Variants in WSCD2 observed in about 807,000 individuals in gnomAD.
WSCD2 encodes the protein sialate:O-sulfotransferase 2.
A neutral mutation model predicts 55.7 loss-of-function variants in WSCD2; 28 were observed. The observed-to-expected ratio is 0.50, with a 90% confidence interval of 0.37 to 0.69. The LOEUF is 0.69. Ranked by LOEUF, WSCD2 falls within the 30% of genes least tolerant of loss-of-function variation. The pLI is 0.00. For missense variants in WSCD2, 616 were observed against 762.1 expected (o/e 0.81, Z 2.26); for synonymous variants, 301 against 301.9 (o/e 1.00, Z 0.03).
chr12:108,204,645 T>C (rs1228793676), intron 2 of WSCD2, among the ~76,000 whole-genome samples: 3 of 152,242 alleles, frequency 2.0e-5, no homozygotes, highest in African/African-American at 7.2e-5. Context: ...TGTCACTGTC[T>C]GGTGTGCCTG....
intron 2 of WSCD2, among the ~76,000 whole-genome samples, chr12:108,204,197 A>T (rs1885044915): frequency 6.6e-6 from 1 of 152,162 alleles, no homozygotes. Flanking sequence ...AATACATGAT[A>T]GTTTTGTCTC....
chr12:108,248,913 A>C lies in WSCD2; in HGVS notation c.*570A>C. 1 of 988,202 alleles carries C rather than the reference A, an allele frequency of 1.0e-6. No homozygotes were observed. The highest frequency in any genetic ancestry group is 4.7e-5 in the South Asian group (1 of 21,404). The allele number at this position is 988,202 out of a possible 1,614,324, so 61.2% of individuals were successfully genotyped here. ...GCCTTAGGTTTCTGACATCCTGGAT[A>C]GTGTGGGGAGGTAATGGTGCTCACA... On this transcript the variant is annotated 3_prime_UTR_variant, in exon 9 of 9. Transcript: ENST00000547525. This position sits in a 1 kb window ranked among gnomAD's most constrained non-coding sequence, Gnocchi z 4.3.
chr12:108,210,146 T>A lies in WSCD2; in HGVS notation c.523T>A (p.Phe175Ile). Residue 175 changes from phenylalanine to isoleucine, a missense_variant, in exon 4 of 9, where the codon TTC (phenylalanine) becomes ATC (isoleucine). Transcript: ENST00000547525. The surrounding 1 kb of genome is among the most constrained non-coding windows in gnomAD (Gnocchi z 4.3). Reference protein sequence around the residue: ...ERGYLYGGLEFGAECYCGHKI... With the variant: ...ERGYLYGGLEIGAECYCGHKI... ...GGGTTACCTGTATGGCGGGCTGGAG[T>A]TCGGCGCCGAGTGCTACTGCGGCCA... 2 of 1,614,026 alleles carry A rather than the reference T, an allele frequency of 1.2e-6. No individual in the cohort carries two copies. The highest frequency in any genetic ancestry group is 1.7e-4 in the Middle Eastern group (1 of 6,060).
intron 1 of WSCD2, among the ~76,000 whole-genome samples, chr12:108,176,376 T>C (rs917886131): frequency 6.6e-6 from 1 of 152,238 alleles, no homozygotes; most frequent in African/African-American, 2.4e-5. Context: ...GTCTTTCTTT[T>C]CTGCCATTAC....
At chr12:108,146,226 T>C (rs567107964) in intron 1 of WSCD2, among the ~76,000 whole-genome samples, 1 of 152,382 alleles carries the variant, frequency 6.6e-6, no homozygotes, top group Admixed American at 6.5e-5. Flanking sequence ...GATAATTATC[T>C]TTGGGGGCCC....
intron 7 of WSCD2, among the ~76,000 whole-genome samples, chr12:108,235,183 T>C (rs1338888928): frequency 6.6e-6 from 1 of 152,208 alleles, no homozygotes; most frequent in East Asian, 1.9e-4. Context: ...TACAGGAATG[T>C]CAGTACTGAA....
At chr12:108,189,135 A>G (rs542878262) in intron 1 of WSCD2, among the ~76,000 whole-genome samples, 1 of 152,236 alleles carries the variant, frequency 6.6e-6, no homozygotes, top group African/African-American at 2.4e-5. Flanking sequence ...AATCAACCAT[A>G]TTGATTCCTA....
At chr12:108,141,336 A>G (rs1876785339) in intron 1 of WSCD2, among the ~76,000 whole-genome samples, 1 of 152,190 alleles carries the variant, frequency 6.6e-6, no homozygotes, top group African/African-American at 2.4e-5. Flanking sequence ...CCTGGACTCA[A>G]GCGATGCTCC....
chr12:108,202,400 GA>G (rs1205895499), intron 2 of WSCD2, among the ~76,000 whole-genome samples: 2 of 152,208 alleles, frequency 1.3e-5, no homozygotes, highest in African/African-American at 2.4e-5. Context: ...TAAGGAAACA[GA>G]GGGTCATTCG....
At chr12:108,243,658 G>C (rs948109981) in intron 8 of WSCD2, among the ~76,000 whole-genome samples, 1 of 152,210 alleles carries the variant, frequency 6.6e-6, no homozygotes, top group Non-Finnish European at 1.5e-5. Flanking sequence ...CATCACCTGG[G>C]AGATTTTTAG....
chr12:108,167,399 A>T (rs965802670), intron 1 of WSCD2: 1 of 152,036 alleles, frequency 6.6e-6, no homozygotes, highest in African/African-American at 2.4e-5. Flanking sequence ...CCCCACTCCA[A>T]TCTCTCAATT....
chr12:108,245,784 T>C (rs1566000739), intron 8 of WSCD2, among the ~76,000 whole-genome samples: 2 of 152,222 alleles, frequency 1.3e-5, no homozygotes, highest in African/African-American at 4.8e-5. Context: ...CTCAGATACA[T>C]CTGGTCTTAA....
At chr12:108,144,641 C>G (rs1044967783) in intron 1 of WSCD2, among the ~76,000 whole-genome samples, 2 of 152,132 alleles carry the variant, frequency 1.3e-5, no homozygotes, top group Non-Finnish European at 2.9e-5. Flanking sequence ...GAGCTCCTGC[C>G]TTCTAGGTGT....
intron 7 of WSCD2, among the ~76,000 whole-genome samples, chr12:108,233,330 A>G (rs1888975330): frequency 6.6e-6 from 1 of 152,202 alleles, no homozygotes. Flanking sequence ...TGTCCTCTCC[A>G]CATTTAAGTC....
chr12:108,243,392 C>G (rs1056923614), intron 8 of WSCD2, among the ~76,000 whole-genome samples: 1 of 152,134 alleles, frequency 6.6e-6, no homozygotes, highest in African/African-American at 2.4e-5. Context: ...TGCCCAGCAC[C>G]ACACCTGGCT....
chr12:108,199,679 T>C (rs1477012972), intron 2 of WSCD2, among the ~76,000 whole-genome samples: 1 of 152,210 alleles, frequency 6.6e-6, no homozygotes, highest in Non-Finnish European at 1.5e-5. Flanking sequence ...TTTACATCTA[T>C]TACATCACAT....
chr12:108,170,376 AATG>A (rs150535427), intron 1 of WSCD2, among the ~76,000 whole-genome samples: 1 of 152,102 alleles, frequency 6.6e-6, no homozygotes, highest in African/African-American at 2.4e-5. Flanking sequence ...ACAAGACAAC[AATG>A]ATGATGATGG....
intron 4 of WSCD2, among the ~76,000 whole-genome samples, chr12:108,224,515 G>A (rs1488182312): frequency 6.6e-6 from 1 of 152,208 alleles, no homozygotes; most frequent in African/African-American, 2.4e-5. Context: ...TTGACAAAGG[G>A]GCCAGGGTTG....
intron 1 of WSCD2, among the ~76,000 whole-genome samples, chr12:108,172,686 G>C (rs993165803): frequency 1.3e-5 from 2 of 152,192 alleles, no homozygotes; most frequent in African/African-American, 4.8e-5. Context: ...AGCTGGAAGA[G>C]GGGCACAGAA....
Sources: allele counts gnomAD v4.1 joint callset (sites outside exome capture counted in the v4.1 genomes callset), GRCh38; gene constraint gnomAD v4.1.1; non-coding constraint Gnocchi (gnomAD v3.1); transcripts MANE v1.5; gene names NCBI Gene and HGNC (gene_info 2026-07-23, HGNC 2026-07-21).